CFAP44: variants seen among roughly 807,000 people sequenced by gnomAD.
CFAP44 encodes cilia- and flagella-associated protein 44.
Under a neutral mutation model 216.2 loss-of-function variants are expected in CFAP44, and 134 were observed. That is an observed-to-expected ratio of 0.62 (90% CI 0.54 to 0.72). CFAP44 has a LOEUF of 0.72. Among genes scored for constraint, CFAP44 ranks in the 30% least tolerant of loss-of-function variants. The pLI is 0.00. For synonymous variants in CFAP44, 700 were observed against 727.6 expected (o/e 0.96, Z 0.61); for missense variants, 2,035 against 2,182.1 (o/e 0.93, Z 1.34).
chr3:113,372,317 T>C (rs554660597), intron 18 of CFAP44, among the ~76,000 whole-genome samples: 1 of 152,262 alleles, frequency 6.6e-6, no homozygotes, highest in East Asian at 1.9e-4. Context: ...TAGCAAAGAC[T>C]TGGAACCAAC....
At position 113,401,248 on chromosome 3, in the gene CFAP44, A is replaced by C; in HGVS notation, c.1366T>G (p.Ser456Ala). The C allele has an allele frequency of 6.3e-7, 1 of 1,586,686 alleles. No individual in the cohort carries two copies. The highest frequency in any genetic ancestry group is 1.2e-5 in the South Asian group (1 of 84,212). The change falls in exon 11 of 35, where the codon TCA (serine) becomes GCA (alanine). Residue 456 changes from serine (S) to alanine (A), a missense_variant. Ser to Ala is a moderately conservative substitution (Grantham distance 99). Transcript: ENST00000393845. ...GAIWKLDLSF[S>A]NITQDPECLF... ...AATAATAGGCAACTTACAATATTTG[A>C]AAAACTAAGGTCAAGCTTCCATATG...
At chr3:113,370,068 T>C (rs1184838444) in intron 18 of CFAP44, among the ~76,000 whole-genome samples, 1 of 152,286 alleles carries the variant, frequency 6.6e-6, no homozygotes, top group South Asian at 2.1e-4. Context: ...TAACAGGTTC[T>C]GAAATTGAGG....
intron 8 of CFAP44, 60 bp from the exon 9 acceptor site, chr3:113,404,076 C>T: frequency 7.1e-7 from 1 of 1,413,142 alleles, no homozygotes; most frequent in Middle Eastern, 1.9e-4. Flanking sequence ...CATATTTATG[C>T]CTCAAATAGT....
chr3:113,358,930 T>C (rs1950514514), intron 21 of CFAP44, 55 bp from the exon 22 acceptor site: 2 of 1,493,698 alleles, frequency 1.3e-6, no homozygotes, highest in Non-Finnish European at 1.8e-6. Context: ...CTCTGTTTCA[T>C]ATATTTCAGT....
intron 28 of CFAP44, among the ~76,000 whole-genome samples, chr3:113,320,928 C>G (rs1950141145): frequency 6.6e-6 from 1 of 152,190 alleles, no homozygotes; most frequent in Non-Finnish European, 1.5e-5. Flanking sequence ...AGCACCCTCA[C>G]AGACACACCC....
At chr3:113,345,135 T>C (rs994295469) in intron 22 of CFAP44, among the ~76,000 whole-genome samples, 4 of 148,596 alleles carry the variant, frequency 2.7e-5, no homozygotes, top group Non-Finnish European at 4.5e-5. Flanking sequence ...TAGATTATTA[T>C]ATAAAATGTA....
rs756664016 is a variant in CFAP44, at chr3:113,426,196, T to A, written c.335A>T (p.Asp112Val). The A allele has an allele frequency of 1.2e-6, 2 of 1,614,150 alleles. No individual in the cohort carries two copies. The highest frequency in any genetic ancestry group is 1.7e-5 in the Admixed American group (1 of 60,010). Residue 112 changes from aspartate (D) to valine (V), a missense_variant, in exon 4 of 35, where the codon GAT becomes GTT. This residue lies in a region of CFAP44 where 149 missense variants were observed against 141.8 expected (regional missense o/e 1.05). Transcript: ENST00000393845. ...KKKISESFFYDYMELASMPFV... is the reference protein window; with the variant it reads ...KKKISESFFYVYMELASMPFV... ...AGGCATCGAAGCAAGCTCCATATAATCATAGAAGAAGCTCTCTGATATTTT... is the reference window on the plus strand; with the variant it reads ...AGGCATCGAAGCAAGCTCCATATAAACATAGAAGAAGCTCTCTGATATTTT...
chr3:113,439,420 C>G (rs1431109033), intron 1 of CFAP44, among the ~76,000 whole-genome samples: 1 of 152,200 alleles, frequency 6.6e-6, no homozygotes, highest in Non-Finnish European at 1.5e-5. Flanking sequence ...ATCTGCCCAA[C>G]AATTGCCTGT....
chr3:113,414,513 T>C (rs1202907973), intron 6 of CFAP44, among the ~76,000 whole-genome samples: 2 of 152,184 alleles, frequency 1.3e-5, no homozygotes, highest in Non-Finnish European at 2.9e-5. Flanking sequence ...AAATAGCACT[T>C]ATTATTTTAA....
intron 5 of CFAP44, 46 bp from the exon 6 acceptor site, chr3:113,416,673 G>T: frequency 7.3e-7 from 1 of 1,362,832 alleles, no homozygotes; most frequent in Non-Finnish European, 1.0e-6. Flanking sequence ...AAAGATTTTT[G>T]TATAAATAGT....
chr3:113,346,036 C>A (rs944132550), intron 22 of CFAP44, among the ~76,000 whole-genome samples: 1 of 152,220 alleles, frequency 6.6e-6, no homozygotes, highest in African/African-American at 2.4e-5. Context: ...GTGAACCCAG[C>A]TGGACTTCCT....
At chr3:113,347,082 C>T (rs1950392187) in intron 22 of CFAP44, among the ~76,000 whole-genome samples, 2 of 152,206 alleles carry the variant, frequency 1.3e-5, no homozygotes, top group South Asian at 4.1e-4. Flanking sequence ...GCTTGCTCTT[C>T]TGCCCTATTT....
At chr3:113,319,581 T>C (rs572263040) in intron 28 of CFAP44, among the ~76,000 whole-genome samples, 1 of 152,276 alleles carries the variant, frequency 6.6e-6, no homozygotes, top group East Asian at 1.9e-4. Flanking sequence ...ACTTGACCAA[T>C]TGGACCTAAT....
At position 113,330,317 on chromosome 3, in the gene CFAP44, T is replaced by C; in HGVS notation, c.3967A>G (p.Ile1323Val). The C allele has an allele frequency of 6.5e-7, 1 of 1,537,332 alleles. No homozygotes were observed. Among genetic ancestry groups the C allele is most frequent in the Non-Finnish European group, 8.7e-7 (1 of 1,146,914 alleles). Residue 1323 changes from isoleucine to valine, a missense_variant, in exon 26 of 35, where the codon ATA becomes GTA. Transcript: ENST00000393845. ...GTTGATGCCTTTGATGATCTAGATATTGAATCACGGGTTGTCAAATCCCCA... is the reference window on the plus strand; with the variant it reads ...GTTGATGCCTTTGATGATCTAGATACTGAATCACGGGTTGTCAAATCCCCA... ...KDGDLTTRDSISRSSKASTFS... is the reference protein window; with the variant it reads ...KDGDLTTRDSVSRSSKASTFS...
Position 113,433,429 on chromosome 3 carries a change from CAAAAAAAAAAAAA to C in CFAP44, c.100+123_100+135del, listed in dbSNP as rs58221881. 8.6e-3 allele frequency: 1,103 copies of C among 127,780 alleles called. 35 individuals carry two copies. Among genetic ancestry groups the C allele is most frequent in the Non-Finnish European group, 0.011 (852 of 79,082 alleles). The allele number at this position is 127,780 out of a possible 1,614,324, so 7.9% of individuals were successfully genotyped here. On this transcript the variant is annotated intron_variant, in intron 2 of 34. Transcript: ENST00000393845. ...GGGCAACAAGAGCAAAACTCCATCT[CAAAAAAAAAAAAA>C]AAAAAAAAAAAAAAGATCTATTTTA...
At chr3:113,352,635 C>A (rs761838378) in intron 22 of CFAP44, among the ~76,000 whole-genome samples, 1 of 152,024 alleles carries the variant, frequency 6.6e-6, no homozygotes, top group Admixed American at 6.5e-5. Flanking sequence ...AGGCAAATAT[C>A]TGTAATATAG....
intron 33 of CFAP44, among the ~76,000 whole-genome samples, chr3:113,295,277 C>T (rs1949870036): frequency 6.6e-6 from 1 of 152,212 alleles, no homozygotes; most frequent in African/African-American, 2.4e-5. Flanking sequence ...CGGTTGCTCA[C>T]TGCAACCTCT....
chr3:113,416,485 T>C (rs921619208), intron 6 of CFAP44, 40 bp downstream of exon 6: 1 of 1,460,898 alleles, frequency 6.8e-7, no homozygotes, highest in South Asian at 1.2e-5. Flanking sequence ...AATGTTGTTA[T>C]CCTTGAACAT....
chr3:113,310,187 C>G (rs1333973142), intron 28 of CFAP44, among the ~76,000 whole-genome samples: 1 of 152,182 alleles, frequency 6.6e-6, no homozygotes, highest in Admixed American at 6.5e-5. Context: ...CACCAAGATG[C>G]CTGTGGAGGC....
Sources: gnomAD v4.1 joint callset for allele counts (sites outside exome capture counted in the v4.1 genomes callset) on GRCh38, gnomAD v4.1.1 for gene constraint, gnomAD v4.1.1 regional missense constraint, MANE v1.5 for transcripts, NCBI Gene and HGNC (gene_info 2026-07-23, HGNC 2026-07-21) for gene names.